Variants in ANKRD11 observed in about 807,000 individuals in gnomAD.
ANKRD11 encodes ankyrin repeat domain 11, also known as ankyrin repeat domain-containing protein 11.
ANKRD11 carries 17 observed loss-of-function variants against 195.7 expected under a neutral mutation model. That is an observed-to-expected ratio of 0.09 (90% confidence interval 0.06 to 0.13). The LOEUF is 0.13. Ranked by LOEUF, ANKRD11 falls within the 10% of genes least tolerant of loss-of-function variation. The probability of loss-of-function intolerance (pLI) is 1.00; values close to 1 mark genes in which losing one functional copy is unlikely to be tolerated. For synonymous variants in ANKRD11, 1,953 were observed against 1,528.1 expected (o/e 1.28, Z -6.49); for missense variants, 3,735 against 3,566.1 (o/e 1.05, Z -1.21).
intron 1 of ANKRD11, among the ~76,000 whole-genome samples, chr16:89,478,182 G>A (rs1226422872): frequency 6.6e-6 from 1 of 152,184 alleles, no homozygotes; most frequent in African/African-American, 2.4e-5. Flanking sequence ...TGGCCCAGCT[G>A]CCTCGCCAGC....
At chr16:89,391,227 CAAAA>C (rs35753411) in intron 2 of ANKRD11, among the ~76,000 whole-genome samples, 5 of 95,296 alleles carry the variant, frequency 5.2e-5, no homozygotes, top group African/African-American at 1.1e-4. Context: ...GACTCTGTCT[CAAAA>C]AAAAAAAAAA....
chr16:89,283,116 G>A lies in ANKRD11; in HGVS notation c.3426C>T (p.Asp1142=), dbSNP rs2034400113. The change falls in exon 9 of 13, where the codon GAC becomes GAT. Residue 1142 remains aspartate, a synonymous_variant. Coordinates refer to ENST00000301030, the MANE Select transcript of ANKRD11 (RefSeq NM_013275.6). The surrounding 1 kb of genome is among the most constrained non-coding windows in gnomAD (Gnocchi z 4.3). ...GSGFKMGEAS[D]LPRTDGLQEK... Reference sequence around the variant, plus strand: ...CCTGGAGGCCGTCCGTCCTCGGCAAGTCGCTGGCCTCTCCCATCTTGAACC... The same window carrying A: ...CCTGGAGGCCGTCCGTCCTCGGCAAATCGCTGGCCTCTCCCATCTTGAACC... 6.2e-7 allele frequency: 1 copy of A among 1,613,834 alleles called. No individual in the cohort carries two copies. Among genetic ancestry groups the A allele is most frequent in the East Asian group, 2.2e-5 (1 of 44,874 alleles).
At chr16:89,468,342 C>A (rs531775214) in intron 1 of ANKRD11, among the ~76,000 whole-genome samples, 3 of 152,220 alleles carry the variant, frequency 2.0e-5, no homozygotes, top group East Asian at 3.9e-4. Context: ...ATCATGAGGT[C>A]GGGGGGAAAG....
At chr16:89,485,738 G>A (rs1490920742) in intron 1 of ANKRD11, among the ~76,000 whole-genome samples, 1 of 151,894 alleles carries the variant, frequency 6.6e-6, no homozygotes, top group African/African-American at 2.4e-5. Context: ...AATCAATAGG[G>A]CACACCTCCA....
At chr16:89,457,248 C>T (rs1339452256) in intron 1 of ANKRD11, among the ~76,000 whole-genome samples, 4 of 150,384 alleles carry the variant, frequency 2.7e-5, no homozygotes, top group Admixed American at 6.6e-5. Context: ...CGTGAGCCAC[C>T]GCGCCCGGCC....
At chr16:89,361,279 A>T (rs2039720364) in intron 2 of ANKRD11, among the ~76,000 whole-genome samples, 1 of 152,194 alleles carries the variant, frequency 6.6e-6, no homozygotes, top group Admixed American at 6.5e-5. Context: ...AAACGGGGTG[A>T]CACAGGCCTT....
At position 89,464,653 on chromosome 16, in the gene ANKRD11, G is replaced by T. The variant is rs557642107; in HGVS notation, c.-145+25592C>A. Among the ~76,000 whole-genome samples the T allele has an allele frequency of 2.8e-5, 4 of 145,374 alleles. No homozygotes were observed. The South Asian group carries it at 9.0e-4, about 33-fold the overall frequency. ...AGAAAAGAAAAAGAAAAAAAGAAAAGAATAAATCTGTAACAGCACTGGAAA... is the reference window on the plus strand; with the variant it reads ...AGAAAAGAAAAAGAAAAAAAGAAAATAATAAATCTGTAACAGCACTGGAAA... On this transcript the variant is annotated intron_variant, in intron 1 of 12. Coordinates refer to ENST00000301030, the MANE Select transcript of ANKRD11 (RefSeq NM_013275.6).
At chr16:89,413,615 T>G (rs1356814019) in intron 2 of ANKRD11, among the ~76,000 whole-genome samples, 2 of 152,026 alleles carry the variant, frequency 1.3e-5, no homozygotes, top group African/African-American at 2.4e-5. Context: ...ACAGCCAGAC[T>G]GTCTCAAAAA....
Position 89,317,416 on chromosome 16 carries a change from C to T in ANKRD11, c.-59-338G>A, listed in dbSNP as rs2037030552. Among the ~76,000 whole-genome samples the T allele has an allele frequency of 3.9e-5, 6 of 152,178 alleles. No homozygotes were observed. The South Asian group carries it at 1.2e-3, about 32-fold the overall frequency. On this transcript the variant is annotated intron_variant, in intron 2 of 12. Coordinates refer to ENST00000301030, the MANE Select transcript of ANKRD11 (RefSeq NM_013275.6). ...GGGTCCCACCTGGTACAGGCTACAC[C>T]CAAAACGGTCAGGCACCACAAGGCA...
chr16:89,335,447 G>A (rs572191665), intron 2 of ANKRD11, among the ~76,000 whole-genome samples: 2 of 152,350 alleles, frequency 1.3e-5, no homozygotes, highest in South Asian at 2.1e-4. Flanking sequence ...GCTTCAGGAT[G>A]AGTGGGTTCC....
intron 1 of ANKRD11, among the ~76,000 whole-genome samples, chr16:89,479,234 G>A (rs187893978): frequency 5.8e-4 from 88 of 151,796 alleles, no homozygotes; most frequent in African/African-American, 1.9e-3. Context: ...ATGACGGCCA[G>A]ACGCAGTGGC....
intron 2 of ANKRD11, among the ~76,000 whole-genome samples, chr16:89,369,641 A>AG (rs1371060554): frequency 1.3e-5 from 2 of 152,168 alleles, no homozygotes; most frequent in Non-Finnish European, 2.9e-5. Flanking sequence ...AAGGACAACC[A>AG]GGGGGGTCCT....
At chr16:89,394,794 T>C (rs143515885) in intron 2 of ANKRD11, among the ~76,000 whole-genome samples, 2 of 152,130 alleles carry the variant, frequency 1.3e-5, no homozygotes, top group African/African-American at 4.8e-5. Flanking sequence ...CCATAATATA[T>C]GGCCCCGAGA....
intron 1 of ANKRD11, among the ~76,000 whole-genome samples, chr16:89,427,152 A>C (rs765693846): frequency 2.0e-5 from 3 of 152,246 alleles, no homozygotes; most frequent in Non-Finnish European, 2.9e-5. Flanking sequence ...AAGATTAAGG[A>C]AACATTTCCA....
intron 1 of ANKRD11, among the ~76,000 whole-genome samples, chr16:89,451,468 G>C (rs993752860): frequency 2.7e-5 from 4 of 149,140 alleles, no homozygotes; most frequent in Admixed American, 6.8e-5. Flanking sequence ...CAGGAGTGCA[G>C]TTGTGTGATC....
intron 2 of ANKRD11, among the ~76,000 whole-genome samples, chr16:89,323,548 G>C (rs2037490542): frequency 2.1e-5 from 1 of 47,482 alleles, no homozygotes; most frequent in African/African-American, 7.4e-5. Flanking sequence ...TGAGCCGAGG[G>C]CAGGGGGTCT....
At chr16:89,273,988 A>G (rs866548367) in intron 11 of ANKRD11, among the ~76,000 whole-genome samples, 11 of 152,178 alleles carry the variant, frequency 7.2e-5, no homozygotes, top group Admixed American at 3.3e-4. Context: ...CCTGGGGTCC[A>G]GGGAGCCCAC....
Position 89,280,436 on chromosome 16 carries a change from C to A in ANKRD11, c.6106G>T (p.Asp2036Tyr). ...ALPVAEPGLE[D>Y]VKDGVDAVPA... is the part of the protein sequence containing the mutation. Reference sequence around the variant, plus strand: ...ACGGCGTCCACTCCGTCCTTGACGTCCTCCAGCCCCGGCTCAGCGACGGGC... The same window carrying A: ...ACGGCGTCCACTCCGTCCTTGACGTACTCCAGCCCCGGCTCAGCGACGGGC... The change falls in exon 9 of 13, where the codon GAC becomes TAC. Residue 2036 changes from aspartate (D) to tyrosine (Y), a missense_variant. Coordinates refer to ENST00000301030, the MANE Select transcript of ANKRD11 (RefSeq NM_013275.6). 6.3e-7 allele frequency: 1 copy of A among 1,581,006 alleles called. No homozygotes were observed. The highest frequency in any genetic ancestry group is 8.6e-7 in the Non-Finnish European group (1 of 1,162,430).
chr16:89,366,248 G>T (rs959088146), intron 2 of ANKRD11, among the ~76,000 whole-genome samples: 5 of 151,958 alleles, frequency 3.3e-5, no homozygotes, highest in Non-Finnish European at 7.4e-5. Context: ...ATGCTCATGT[G>T]GATTCCATGT....
Sources: allele counts gnomAD v4.1 joint callset (sites outside exome capture counted in the v4.1 genomes callset), GRCh38; gene constraint gnomAD v4.1.1; non-coding constraint Gnocchi (gnomAD v3.1); transcripts MANE v1.5; gene names NCBI Gene and HGNC (gene_info 2026-07-23, HGNC 2026-07-21).